TMEM156: variants seen among roughly 807,000 people sequenced by gnomAD.
The protein encoded by TMEM156 is transmembrane protein 156.
TMEM156 carries 28 observed loss-of-function variants against 30.5 expected under a neutral mutation model. The ratio of observed to expected loss-of-function variants is 0.92; its 90% CI spans 0.68 to 1.26. TMEM156 has a LOEUF of 1.26. Among genes scored for constraint, TMEM156 ranks in the 50% most tolerant of loss-of-function variants. TMEM156 has a pLI of 0.00. For missense variants in TMEM156, 351 were observed against 340.6 expected (o/e 1.03, Z -0.24); for synonymous variants, 137 against 119.9 (o/e 1.14, Z -0.93).
At chr4:39,019,920 T>C (rs73124073) in intron 1 of TMEM156, among the ~76,000 whole-genome samples, 1 of 152,274 alleles carries the variant, frequency 6.6e-6, no homozygotes, top group African/African-American at 2.4e-5. Context: ...CTAAATGAAA[T>C]TTTGTATCCT....
chr4:39,015,975 C>CT (rs1403347877), intron 1 of TMEM156, among the ~76,000 whole-genome samples: 1 of 152,164 alleles, frequency 6.6e-6, no homozygotes, highest in African/African-American at 2.4e-5. Flanking sequence ...CATTAAACCT[C>CT]TTTTTTGTTT....
intron 2 of TMEM156, among the ~76,000 whole-genome samples, chr4:38,996,722 A>G (rs1390279394): frequency 2.0e-5 from 3 of 152,392 alleles, no homozygotes; most frequent in African/African-American, 7.2e-5. Flanking sequence ...CAGAACCACC[A>G]TATGATCCAG....
intron 1 of TMEM156, among the ~76,000 whole-genome samples, chr4:39,013,757 C>G (rs926450014): frequency 6.6e-6 from 1 of 151,998 alleles, no homozygotes; most frequent in Non-Finnish European, 1.5e-5. Context: ...AAACAGTCAA[C>G]TGAAAAATGG....
At chr4:39,005,965 G>A (rs779215346) in intron 1 of TMEM156, among the ~76,000 whole-genome samples, 3 of 151,934 alleles carry the variant, frequency 2.0e-5, no homozygotes, top group South Asian at 2.1e-4. Context: ...GTACGATCTC[G>A]GCTCACTGCA....
intron 1 of TMEM156, among the ~76,000 whole-genome samples, chr4:39,006,182 C>A (rs770337639): frequency 3.9e-5 from 6 of 152,180 alleles, no homozygotes; most frequent in Non-Finnish European, 8.8e-5. Flanking sequence ...AGGCATGAAC[C>A]ACTGCCTGGC....
chr4:39,001,335 C>G (rs563506874), intron 1 of TMEM156, among the ~76,000 whole-genome samples: 1 of 149,572 alleles, frequency 6.7e-6, no homozygotes, highest in African/African-American at 2.5e-5. Flanking sequence ...TGCAGTGAAC[C>G]GAGATCGTGC....
intron 1 of TMEM156, among the ~76,000 whole-genome samples, chr4:39,024,669 G>A (rs1251685090): frequency 1.3e-5 from 2 of 152,164 alleles, no homozygotes; most frequent in South Asian, 2.1e-4. Flanking sequence ...GCCTACCAGA[G>A]GGTAGAGGGT....
intron 6 of TMEM156, among the ~76,000 whole-genome samples, chr4:38,969,398 TG>T (rs1174090130): frequency 6.6e-6 from 1 of 152,252 alleles, no homozygotes; most frequent in African/African-American, 2.4e-5. Context: ...TCCAAGTTGC[TG>T]CATATGGCAC....
At chr4:38,983,713 G>A (rs1055316163) in intron 5 of TMEM156, among the ~76,000 whole-genome samples, 4 of 152,154 alleles carry the variant, frequency 2.6e-5, no homozygotes, top group African/African-American at 9.7e-5. Context: ...AGTTACTTTT[G>A]CATGTTTTTC....
intron 1 of TMEM156, among the ~76,000 whole-genome samples, chr4:39,000,802 G>A (rs992318432): frequency 1.3e-5 from 2 of 151,904 alleles, no homozygotes; most frequent in Non-Finnish European, 2.9e-5. Flanking sequence ...CAGGAGAATT[G>A]CTTGAACCTG....
chr4:39,021,548 T>C (rs560717536), intron 1 of TMEM156, among the ~76,000 whole-genome samples: 3 of 152,344 alleles, frequency 2.0e-5, no homozygotes, highest in Middle Eastern at 3.4e-3. Context: ...ATTTTGGATA[T>C]TAAACCCTTA....
chr4:38,988,651 T>TACCC (rs112472821), intron 4 of TMEM156, among the ~76,000 whole-genome samples, 200 bp downstream of exon 4: 1 of 151,900 alleles, frequency 6.6e-6, no homozygotes, highest in African/African-American at 2.4e-5. Context: ...CTTCTTCTCT[T>TACCC]ACTTGCCCGA....
At chr4:38,982,268 C>T (rs1711626377) in intron 5 of TMEM156, among the ~76,000 whole-genome samples, 1 of 152,202 alleles carries the variant, frequency 6.6e-6, no homozygotes, top group Non-Finnish European at 1.5e-5. Context: ...TACTCCTCAG[C>T]TTGCAGATGG....
intron 6 of TMEM156, among the ~76,000 whole-genome samples, chr4:38,968,447 A>AG (rs1393431907): frequency 6.6e-6 from 1 of 152,204 alleles, no homozygotes; most frequent in Non-Finnish European, 1.5e-5. Flanking sequence ...TATTGGAATT[A>AG]GGGCTTCTCT....
intron 1 of TMEM156, among the ~76,000 whole-genome samples, chr4:39,026,368 A>T (rs908521116): frequency 7.7e-4 from 56 of 72,458 alleles, no homozygotes; most frequent in African/African-American, 3.7e-3. Context: ...TTTTTTTAAA[A>T]AATTAAAAAA....
At chr4:38,995,147 T>A (rs1172071846) in intron 2 of TMEM156, among the ~76,000 whole-genome samples, 2 of 152,194 alleles carry the variant, frequency 1.3e-5, no homozygotes, top group South Asian at 4.1e-4. Context: ...CCTGTGTCCA[T>A]GTCTCTGTGT....
chr4:38,972,242 A>ATTTTTTTTTTTTTTTT (rs144479056), intron 5 of TMEM156, among the ~76,000 whole-genome samples: 1 of 75,816 alleles, frequency 1.3e-5, no homozygotes, highest in Non-Finnish European at 2.3e-5. Context: ...TTCTCTGGGA[A>ATTTTTTTTTTTTTTTT]TTTTTTTTTT....
At position 39,032,367 on chromosome 4, in the gene TMEM156, C is replaced by T; in HGVS notation, c.-54G>A. On this transcript the variant is annotated 5_prime_UTR_variant, in exon 1 of 7. Transcript: ENST00000381938. ...CTTGCAGTACATTCATGGTATGTTG[C>T]TTCCTGCTTTAAGTTTATCTCTGCA... The T allele has an allele frequency of 8.9e-7, 1 of 1,126,338 alleles. No individual in the cohort carries two copies. Among genetic ancestry groups the T allele is most frequent in the Non-Finnish European group, 1.3e-6 (1 of 754,936 alleles). 69.8% of individuals were successfully genotyped at this position (1,126,338 alleles called of 1,614,324 possible). A position where few individuals can be genotyped will look rare whatever the true frequency, so the allele number is the denominator to read the frequency against.
intron 1 of TMEM156, among the ~76,000 whole-genome samples, chr4:39,016,240 G>A (rs1208028537): frequency 6.6e-6 from 1 of 152,034 alleles, no homozygotes; most frequent in Non-Finnish European, 1.5e-5. Context: ...GGGCATAGTG[G>A]TGTGAGTCTG....
Sources: allele counts gnomAD v4.1 joint callset (sites outside exome capture counted in the v4.1 genomes callset), GRCh38; gene constraint gnomAD v4.1.1; transcripts MANE v1.5; gene names NCBI Gene and HGNC (gene_info 2026-07-23, HGNC 2026-07-21).